The following BBS9 variants were observed in gnomAD, a reference collection of about 807,000 sequenced individuals.
BBS9 encodes the protein Bardet-Biedl syndrome 9.
BBS9 carries 89 observed loss-of-function variants against 117.7 expected under a neutral mutation model. The observed-to-expected ratio is 0.76, with a 90% CI of 0.64 to 0.90. The LOEUF is 0.90. BBS9 is among the 40% of genes least tolerant of loss of function. The probability of loss-of-function intolerance (pLI) is 0.00; values close to 1 mark genes in which losing one functional copy is unlikely to be tolerated. For missense variants in BBS9, 982 were observed against 1,042.2 expected (o/e 0.94, Z 0.80); for synonymous variants, 379 against 370.9 (o/e 1.02, Z -0.25).
At chr7:33,383,193 AG>A (rs1825394289) in intron 17 of BBS9, among the ~76,000 whole-genome samples, 2 of 152,370 alleles carry the variant, frequency 1.3e-5, no homozygotes, top group Non-Finnish European at 2.9e-5. Context: ...AATAACTATT[AG>A]AAAAATAGAA....
intron 9 of BBS9, among the ~76,000 whole-genome samples, chr7:33,283,862 C>T (rs991904966): frequency 8.5e-5 from 13 of 152,144 alleles, no homozygotes; most frequent in Non-Finnish European, 4.4e-5. Flanking sequence ...CACCTTCTCA[C>T]TCTGTTTATT....
chr7:33,453,097 A>G (rs1268752766), intron 19 of BBS9, among the ~76,000 whole-genome samples: 3 of 152,202 alleles, frequency 2.0e-5, no homozygotes, highest in Admixed American at 6.5e-5. Flanking sequence ...AATCTTCCAT[A>G]TGACTGAAAT....
intron 4 of BBS9, among the ~76,000 whole-genome samples, chr7:33,169,315 G>T (rs1352798008): frequency 1.3e-5 from 2 of 150,454 alleles, no homozygotes; most frequent in Non-Finnish European, 3.0e-5. Flanking sequence ...GAGTTCTTTG[G>T]GTATATACCC....
intron 5 of BBS9, among the ~76,000 whole-genome samples, chr7:33,181,529 T>C (rs1021438180): frequency 3.3e-5 from 5 of 152,252 alleles, no homozygotes; most frequent in Admixed American, 6.5e-5. Context: ...TATCCAATTT[T>C]AGTTTGATCA....
chr7:33,499,622 T>C (rs1436499598), intron 19 of BBS9, among the ~76,000 whole-genome samples: 2 of 152,206 alleles, frequency 1.3e-5, no homozygotes, highest in Non-Finnish European at 2.9e-5. Flanking sequence ...GAGACTGATA[T>C]GCAGGCAGAA....
At chr7:33,491,528 G>A in intron 19 of BBS9, among the ~76,000 whole-genome samples, 1 of 152,170 alleles carries the variant, frequency 6.6e-6, no homozygotes, top group Non-Finnish European at 1.5e-5. Context: ...TGTACCAAAT[G>A]GGATTTAATT....
chr7:33,417,364 A>C (rs1012265001), intron 19 of BBS9, among the ~76,000 whole-genome samples: 1 of 152,208 alleles, frequency 6.6e-6, no homozygotes, highest in African/African-American at 2.4e-5. Context: ...TTGGAATGTT[A>C]TAATTCATTT....
At chr7:33,398,262 A>G (rs2128782286) in intron 19 of BBS9, among the ~76,000 whole-genome samples, 1 of 152,278 alleles carries the variant, frequency 6.6e-6, no homozygotes, top group South Asian at 2.1e-4. Context: ...CTTCATTGGT[A>G]TTTCTGAGGG....
intron 19 of BBS9, among the ~76,000 whole-genome samples, chr7:33,446,828 A>T (rs1436009051): frequency 6.6e-6 from 1 of 152,176 alleles, no homozygotes; most frequent in Non-Finnish European, 1.5e-5. Context: ...CCCCAATTCG[A>T]TTCTGATGTT....
chr7:33,233,100 G>A (rs572651340), intron 5 of BBS9, among the ~76,000 whole-genome samples: 1 of 152,074 alleles, frequency 6.6e-6, no homozygotes. Context: ...GAAGAAATAG[G>A]GGGGGTTGAG....
chr7:33,283,351 C>T (rs1802269228), intron 9 of BBS9, among the ~76,000 whole-genome samples: 1 of 152,120 alleles, frequency 6.6e-6, no homozygotes, highest in Non-Finnish European at 1.5e-5. Context: ...GCTCGTCTGA[C>T]TTATTTCTCA....
intron 21 of BBS9, among the ~76,000 whole-genome samples, chr7:33,631,431 G>A (rs980369719): frequency 6.6e-6 from 1 of 152,170 alleles, no homozygotes; most frequent in African/African-American, 2.4e-5. Context: ...AGGATGAAAT[G>A]TCCCCACTCT....
At chr7:33,474,531 C>T (rs1049837749) in intron 19 of BBS9, among the ~76,000 whole-genome samples, 1 of 152,116 alleles carries the variant, frequency 6.6e-6, no homozygotes, top group African/African-American at 2.4e-5. Flanking sequence ...TTGCTTTAAC[C>T]TGGCTTTCCT....
intron 18 of BBS9, among the ~76,000 whole-genome samples, chr7:33,387,322 T>C (rs1158493062): frequency 6.6e-6 from 1 of 152,160 alleles, no homozygotes; most frequent in Admixed American, 6.5e-5. Context: ...CATTTTTCTA[T>C]TGGATTGTTG....
intron 19 of BBS9, among the ~76,000 whole-genome samples, chr7:33,495,998 G>A (rs1378000135): frequency 6.6e-6 from 1 of 152,112 alleles, no homozygotes; most frequent in African/African-American, 2.4e-5. Context: ...GTGTGGATTG[G>A]TGTCCGGGAT....
chr7:33,534,093 C>T lies in BBS9; in HGVS notation c.2438C>T (p.Thr813Ile). Residue 813 changes from threonine to isoleucine, a missense_variant, in exon 21 of 23, where the codon ACC becomes ATC. Transcript: ENST00000242067. ...KDTSQLKKHI[T>I]LLCDRLSKGG... is the part of the protein sequence containing the mutation. The stretch of plus-strand genomic sequence containing the variant: ...ACAAGCCAACTGAAGAAACATATCA[C>T]CTTGCTCTGCGATAGATTATCCAAA... 3.7e-6 allele frequency: 6 copies of T among 1,614,186 alleles called. No individual in the cohort carries two copies. Among genetic ancestry groups the T allele is most frequent in the East Asian group, 2.2e-5 (1 of 44,882 alleles).
intron 19 of BBS9, among the ~76,000 whole-genome samples, chr7:33,459,902 A>G (rs2128931708): frequency 6.6e-6 from 1 of 152,302 alleles, no homozygotes; most frequent in Middle Eastern, 3.4e-3. Context: ...TTGAGCTTAC[A>G]TGGAACATTC....
intron 21 of BBS9, among the ~76,000 whole-genome samples, chr7:33,559,584 G>A (rs1288303386): frequency 6.6e-6 from 1 of 152,056 alleles, no homozygotes; most frequent in Non-Finnish European, 1.5e-5. Flanking sequence ...GTAATTACTC[G>A]CATGTTCACC....
In BBS9 at chr7:33,371,856, T is replaced by C. The variant is rs933451134; in HGVS notation, c.1789+3994T>C. Among the ~76,000 whole-genome samples, 4 of 152,184 alleles carry C rather than the reference T, an allele frequency of 2.6e-5. No individual in the cohort carries two copies. In the East Asian group the frequency reaches 7.7e-4, roughly 29 times the overall value. On this transcript the variant is annotated intron_variant, in intron 17 of 22. Transcript: ENST00000242067. ...GCCATCCTTTTTAGGTGATTTTCCC[T>C]GGAAGTGATTTGTTTATCAGCATCT...
Sources: gnomAD v4.1 joint callset for allele counts (sites outside exome capture counted in the v4.1 genomes callset) on GRCh38, gnomAD v4.1.1 for gene constraint, MANE v1.5 for transcripts, NCBI Gene and HGNC (gene_info 2026-07-23, HGNC 2026-07-21) for gene names.